The following CLYBL variants were observed in gnomAD, a reference collection of about 807,000 sequenced individuals.
CLYBL encodes the protein citramalyl-CoA lyase.
Under a neutral mutation model 38.9 loss-of-function variants are expected in CLYBL, and 31 were observed. The observed-to-expected ratio is 0.80, with a 90% CI of 0.60 to 1.08. The LOEUF (loss-of-function observed/expected upper bound fraction) is 1.08. Among genes scored for constraint, CLYBL ranks in the 50% least tolerant of loss-of-function variants. The pLI, the probability that CLYBL is intolerant of heterozygous loss-of-function variation, is 0.00. For synonymous variants in CLYBL, 171 were observed against 158.6 expected (o/e 1.08, Z -0.59); for missense variants, 434 against 411.6 (o/e 1.05, Z -0.47).
chr13:99,880,985 C>T (rs2052192087), intron 7 of CLYBL, among the ~76,000 whole-genome samples: 1 of 152,240 alleles, frequency 6.6e-6, no homozygotes, highest in Non-Finnish European at 1.5e-5. Context: ...TTTCCGGGGC[C>T]TTCCCCAGCT....
chr13:99,857,748 T>C (rs2051495159), intron 2 of CLYBL, among the ~76,000 whole-genome samples: 1 of 152,248 alleles, frequency 6.6e-6, no homozygotes, highest in Non-Finnish European at 1.5e-5. Flanking sequence ...AATTCTTTTT[T>C]GTCTCTGCTT....
At chr13:99,737,563 G>T (rs1377978226) in intron 1 of CLYBL, among the ~76,000 whole-genome samples, 1 of 152,202 alleles carries the variant, frequency 6.6e-6, no homozygotes, top group Non-Finnish European at 1.5e-5. Flanking sequence ...GAAGTGGCAA[G>T]ATTTTTGGAG....
chr13:99,618,463 T>C (rs2046747398), intron 1 of CLYBL, among the ~76,000 whole-genome samples: 1 of 152,050 alleles, frequency 6.6e-6, no homozygotes, highest in South Asian at 2.1e-4. Flanking sequence ...AGAGACGGGG[T>C]TTCACCATGT....
intron 1 of CLYBL, among the ~76,000 whole-genome samples, chr13:99,714,938 G>A (rs925391471): frequency 2.0e-5 from 3 of 152,068 alleles, no homozygotes; most frequent in Non-Finnish European, 4.4e-5. Flanking sequence ...AACAGAGCGA[G>A]ACTCTGTCTC....
At chr13:99,840,766 AAAAAAAAAAAAAAAG>A (rs1266384836) in intron 2 of CLYBL, among the ~76,000 whole-genome samples, 2 of 148,868 alleles carry the variant, frequency 1.3e-5, no homozygotes, top group African/African-American at 2.5e-5. Flanking sequence ...AAAAAAAAAA[AAAAAAAAAAAAAAAG>A]GGTTACATAT....
intron 1 of CLYBL, among the ~76,000 whole-genome samples, chr13:99,609,097 C>T (rs2046583331): frequency 6.6e-6 from 1 of 150,896 alleles, no homozygotes; most frequent in Admixed American, 6.6e-5. Flanking sequence ...TTGATGGAAC[C>T]CCACAGGTCT....
chr13:99,884,836 T>G, intron 7 of CLYBL: 2 of 398,342 alleles, frequency 5.0e-6, no homozygotes, highest in Non-Finnish European at 1.0e-5. Context: ...CACTGCACAT[T>G]CCAGGTGACT....
At chr13:99,746,372 T>C (rs1297286088) in intron 1 of CLYBL, among the ~76,000 whole-genome samples, 1 of 123,628 alleles carries the variant, frequency 8.1e-6, no homozygotes, top group African/African-American at 2.6e-5. Flanking sequence ...TTTTTTTTTT[T>C]TTACATAGAA....
chr13:99,798,517 C>T (rs1401028177), intron 2 of CLYBL, among the ~76,000 whole-genome samples: 1 of 152,132 alleles, frequency 6.6e-6, no homozygotes, highest in Non-Finnish European at 1.5e-5. Context: ...AGTTGGCTCC[C>T]TCTGTAATTA....
chr13:99,835,967 A>G (rs2050925205), intron 2 of CLYBL, among the ~76,000 whole-genome samples: 1 of 152,220 alleles, frequency 6.6e-6, no homozygotes, highest in Admixed American at 6.5e-5. Flanking sequence ...GGTAAACCAG[A>G]TGACAACGAC....
chr13:99,675,536 A>T (rs940012958), intron 1 of CLYBL, among the ~76,000 whole-genome samples: 1 of 152,104 alleles, frequency 6.6e-6, no homozygotes, highest in African/African-American at 2.4e-5. Flanking sequence ...TTTTCCCCCA[A>T]AACCCTCAGT....
At chr13:99,824,257 G>GCCCCCCCCCCC in intron 2 of CLYBL, among the ~76,000 whole-genome samples, 346 of 130,442 alleles carry the variant, frequency 2.7e-3, no homozygotes, top group Middle Eastern at 3.8e-3. Flanking sequence ...CTGACTAATA[G>GCCCCCCCCCCC]CCCCCCCCAC....
intron 1 of CLYBL, among the ~76,000 whole-genome samples, chr13:99,758,509 A>G (rs1388124318): frequency 3.9e-5 from 6 of 152,234 alleles, no homozygotes; most frequent in African/African-American, 1.2e-4. Context: ...CACCTGCTGC[A>G]ATTGTATTCA....
chr13:99,680,949 T>A (rs919753237), intron 1 of CLYBL, among the ~76,000 whole-genome samples: 2 of 152,200 alleles, frequency 1.3e-5, no homozygotes, highest in African/African-American at 4.8e-5. Flanking sequence ...CTCTTTCCTA[T>A]TCCATGAAAG....
downstream of CLYBL, among the ~76,000 whole-genome samples, chr13:99,901,486 A>G (rs1338229401): frequency 6.6e-6 from 1 of 152,016 alleles, no homozygotes. Flanking sequence ...TGTCCATTTT[A>G]CCAGAGAGAC....
chr13:99,611,241 A>G (rs1015808769), intron 1 of CLYBL, among the ~76,000 whole-genome samples: 8 of 152,348 alleles, frequency 5.3e-5, no homozygotes, highest in African/African-American at 1.9e-4. Flanking sequence ...TAGAATTCTG[A>G]AAAAGTTTAT....
Position 99,858,908 on chromosome 13 carries a change from G to C in CLYBL, c.297G>C (p.Leu99=). ...TAAAAACTCTTGAAGACATTGATCT[G>C]GGCCCTACTGAAAAATGTGTGAGAG... The part of the protein sequence containing the change: ...RIVKTLEDID[L]GPTEKCVRVN... Residue 99 remains leucine, a synonymous_variant, in exon 3 of 9, where the codon CTG becomes CTC. Transcript: ENST00000339105. 6.2e-7 allele frequency: 1 copy of C among 1,613,860 alleles called. No homozygotes were observed. The highest frequency in any genetic ancestry group is 8.5e-7 in the Non-Finnish European group (1 of 1,179,856).
At chr13:99,811,845 A>C (rs145592748) in intron 2 of CLYBL, among the ~76,000 whole-genome samples, 129 of 152,356 alleles carry the variant, frequency 8.5e-4, no homozygotes, top group African/African-American at 3.0e-3. Context: ...GGCAACTGGA[A>C]TAACTGAAAT....
chr13:99,782,771 G>A (rs1197827328), intron 2 of CLYBL, among the ~76,000 whole-genome samples: 1 of 151,814 alleles, frequency 6.6e-6, no homozygotes, highest in Non-Finnish European at 1.5e-5. Flanking sequence ...GTAGATTCAT[G>A]TCTTTTATCC....
Sources: gnomAD v4.1 joint callset for allele counts (sites outside exome capture counted in the v4.1 genomes callset) on GRCh38, gnomAD v4.1.1 for gene constraint, MANE v1.5 for transcripts, NCBI Gene and HGNC (gene_info 2026-07-23, HGNC 2026-07-21) for gene names.